Variants in CD300LB observed in about 807,000 individuals in gnomAD.
The protein encoded by CD300LB is CD300 molecule like family member b, also known as CMRF35-like molecule 7.
CD300LB carries 18 observed loss-of-function variants against 20.8 expected under a neutral mutation model. The observed-to-expected ratio is 0.87, with a 90% CI of 0.60 to 1.28. CD300LB has a LOEUF of 1.28. Among genes scored for constraint, CD300LB ranks in the 50% most tolerant of loss-of-function variants. CD300LB has a pLI of 0.00. For missense variants in CD300LB, 222 were observed against 251.8 expected (o/e 0.88, Z 0.80); for synonymous variants, 91 against 91.3 (o/e 1.00, Z 0.02).
In CD300LB at chr17:74,522,274, A is replaced by G. The variant is rs935897279; in HGVS notation, c.*464T>C. 4 of 987,750 alleles carry G rather than the reference A, an allele frequency of 4.0e-6. No individual in the cohort carries two copies. Among genetic ancestry groups the G allele is most frequent in the Non-Finnish European group, 3.6e-6 (3 of 831,286 alleles). The allele number at this position is 987,750 out of a possible 1,614,324, so 61.2% of individuals were successfully genotyped here. On this transcript the variant is annotated 3_prime_UTR_variant, in exon 4 of 4. Transcript: ENST00000392621. ...GGGATCAGAGAGGTTTCCTATGAAC[A>G]TAAGTCATTAAAACCCAACTTTGCT...
chr17:74,523,005 G>A lies in CD300LB; in HGVS notation c.444-105C>T, dbSNP rs558369550. 1.7e-4 allele frequency: 189 copies of A among 1,104,114 alleles called. 2 individuals are homozygous for A. The East Asian group carries it at 2.7e-3, about 16-fold the overall frequency. 68.4% of individuals were successfully genotyped at this position (1,104,114 alleles called of 1,614,324 possible). A position where few individuals can be genotyped will look rare whatever the true frequency, so the allele number is the denominator to read the frequency against. ...CAGCCAAAGCCTGTGACCCTGGGCCGGGCAGCCCCACTCTGAAGATTCCTG... is the reference window on the plus strand; with the variant it reads ...CAGCCAAAGCCTGTGACCCTGGGCCAGGCAGCCCCACTCTGAAGATTCCTG... On this transcript the variant is annotated intron_variant, in intron 3 of 3. Coordinates refer to ENST00000392621, the MANE Select transcript of CD300LB (RefSeq NM_174892.4).
At chr17:74,527,954 T>A (rs1908085256) in intron 1 of CD300LB, among the ~76,000 whole-genome samples, 1 of 152,074 alleles carries the variant, frequency 6.6e-6, no homozygotes, top group Admixed American at 6.6e-5. Flanking sequence ...CCGCCTCCCA[T>A]CAGACCAGCG....
At chr17:74,523,454 G>C (rs1907942638) in intron 3 of CD300LB, 125 bp downstream of exon 3, 1 of 727,680 alleles carries the variant, frequency 1.4e-6, no homozygotes, top group African/African-American at 1.7e-5. Context: ...ATGGAGGGTG[G>C]GCTTGGGGCC....
Position 74,522,484 on chromosome 17 carries a change from G to A in CD300LB, c.*254C>T. On this transcript the variant is annotated 3_prime_UTR_variant, in exon 4 of 4. Coordinates refer to ENST00000392621, the MANE Select transcript of CD300LB (RefSeq NM_174892.4). ...GGGGACAGAGTCGTCCAGTGCTTGA[G>A]CTCCATCTCTACAGCTCCTGACCAA... is the stretch of plus-strand genomic sequence containing the variant. The A allele has an allele frequency of 8.0e-7, 1 of 1,242,312 alleles. No homozygotes were observed. The highest frequency in any genetic ancestry group is 1.0e-6 in the Non-Finnish European group (1 of 983,582). The allele number at this position is 1,242,312 out of a possible 1,614,324, so 77.0% of individuals were successfully genotyped here.
chr17:74,522,351 G>C lies in CD300LB; in HGVS notation c.*387C>G, dbSNP rs16978085. 1.0e-6 allele frequency: 1 copy of C among 1,002,198 alleles called. No individual in the cohort carries two copies. Among genetic ancestry groups the C allele is most frequent in the Non-Finnish European group, 1.2e-6 (1 of 841,052 alleles). The allele number at this position is 1,002,198 out of a possible 1,614,324, so 62.1% of individuals were successfully genotyped here. ...ATATATCAGGTTCTCAGGCAAAGAC[G>C]GTGTTGAGTTGGTCTCCGGAATGAT... On this transcript the variant is annotated 3_prime_UTR_variant, in exon 4 of 4. Coordinates refer to ENST00000392621, the MANE Select transcript of CD300LB (RefSeq NM_174892.4).
intron 1 of CD300LB, 26 bp downstream of exon 1, chr17:74,531,282 CAAG>C: frequency 6.6e-7 from 1 of 1,521,414 alleles, no homozygotes. Flanking sequence ...CCTGTCATAC[CAAG>C]CGCCCAAGGC....
At chr17:74,524,152 G>A (rs758766894) in intron 2 of CD300LB, among the ~76,000 whole-genome samples, 14 of 152,326 alleles carry the variant, frequency 9.2e-5, no homozygotes, top group Admixed American at 2.0e-4. Flanking sequence ...TATGAGAAAC[G>A]GAACATTTTT....
In CD300LB at chr17:74,525,740, G is replaced by T. The variant is rs375893710; in HGVS notation, c.370+8C>A. On this transcript the variant is annotated splice_region_variant and intron_variant, in intron 2 of 3. Coordinates refer to ENST00000392621, the MANE Select transcript of CD300LB (RefSeq NM_174892.4). ...AGGGCCTCCTTGTGTAGATGAGAAA[G>T]TTCTTACCTGGGTCAACGATCACTT... 3 of 1,611,124 alleles carry T rather than the reference G, an allele frequency of 1.9e-6. No individual in the cohort carries two copies. Among genetic ancestry groups the T allele is most frequent in the Non-Finnish European group, 2.5e-6 (3 of 1,178,246 alleles).
rs999694595 is a variant in CD300LB, at chr17:74,522,873, C to T, written c.471G>A (p.Val157=). 2 of 1,613,970 alleles carry T rather than the reference C, an allele frequency of 1.2e-6. No individual in the cohort carries two copies. Among genetic ancestry groups the T allele is most frequent in the Non-Finnish European group, 1.7e-6 (2 of 1,180,016 alleles). ...CCAAGATGAGCAAGATGGGCACCTTCACAAATACCAGGAGCATGTAGTGGT... is the reference window on the plus strand; with the variant it reads ...CCAAGATGAGCAAGATGGGCACCTTTACAAATACCAGGAGCATGTAGTGGT... The part of the protein sequence containing the change: ...KRNHYMLLVF[V]KVPILLILVT... Residue 157 remains valine, a synonymous_variant, in exon 4 of 4, where the codon GTG becomes GTA. Transcript: ENST00000392621.
intron 1 of CD300LB, among the ~76,000 whole-genome samples, chr17:74,527,140 T>C (rs2143079461): frequency 6.6e-6 from 1 of 152,318 alleles, no homozygotes. Flanking sequence ...TTTTTTCTAG[T>C]GGAGCAATTG....
chr17:74,526,578 T>C (rs921111102), intron 1 of CD300LB, among the ~76,000 whole-genome samples: 13 of 152,174 alleles, frequency 8.5e-5, no homozygotes, highest in Non-Finnish European at 1.8e-4. Context: ...CTGGGCGTGG[T>C]GGCAGTCACC....
At chr17:74,526,875 G>GC (rs1301582892) in intron 1 of CD300LB, among the ~76,000 whole-genome samples, 2 of 152,204 alleles carry the variant, frequency 1.3e-5, no homozygotes, top group African/African-American at 4.8e-5. Flanking sequence ...CCAGCACACT[G>GC]CGGGGGTACC....
chr17:74,525,661 T>G lies in CD300LB; in HGVS notation c.370+87A>C, dbSNP rs560545632. On this transcript the variant is annotated intron_variant, in intron 2 of 3. Transcript: ENST00000392621. The stretch of plus-strand genomic sequence containing the variant: ...TCTCTTAGGCTCACCATCATTCCCT[T>G]TCAGCCTTGGAGGGGAGCAGGTAAG... 112 of 1,120,124 alleles carry G rather than the reference T, an allele frequency of 1.0e-4. 1 individual carries two copies. The Middle Eastern group carries it at 1.0e-3, about 10-fold the overall frequency. 69.4% of individuals were successfully genotyped at this position (1,120,124 alleles called of 1,614,324 possible).
intron 3 of CD300LB, 92 bp from the exon 4 acceptor site, chr17:74,522,992 G>A (rs750416937): frequency 1.6e-6 from 2 of 1,286,092 alleles, no homozygotes; most frequent in Non-Finnish European, 2.2e-6. Flanking sequence ...GCCAAAGCCT[G>A]TGACCCTGGG....
intron 3 of CD300LB, 34 bp from the exon 4 acceptor site, chr17:74,522,934 G>T: frequency 6.3e-7 from 1 of 1,597,498 alleles, no homozygotes; most frequent in Non-Finnish European, 8.5e-7. Flanking sequence ...AGAGCCCTGG[G>T]CATCCCCAGG....
At chr17:74,529,521 G>T (rs1908136628) in intron 1 of CD300LB, among the ~76,000 whole-genome samples, 1 of 152,180 alleles carries the variant, frequency 6.6e-6, no homozygotes, top group African/African-American at 2.4e-5. Flanking sequence ...GCCGGGCACG[G>T]TGGCTCATGC....
rs1395960779 is a variant in CD300LB at position 74,522,765 on chromosome 17, T to C, written c.579A>G (p.Glu193=). 5 of 1,613,888 alleles carry C rather than the reference T, an allele frequency of 3.1e-6. No homozygotes were observed. Among genetic ancestry groups the C allele is most frequent in the Non-Finnish European group, 4.2e-6 (5 of 1,179,990 alleles). Residue 193 remains glutamate, a synonymous_variant, in exon 4 of 4, where the codon GAA becomes GAG. Coordinates refer to ENST00000392621, the MANE Select transcript of CD300LB (RefSeq NM_174892.4). ...GEQPIYMNFS[E]PLTKDMAT ...AAGTGGCCATGTCTTTAGTCAGAGG[T>C]TCGGAGAAGTTCATGTAGATAGGCT... is the stretch of plus-strand genomic sequence containing the variant.
Position 74,521,724 on chromosome 17 carries a change from G to A in CD300LB, c.*1014C>T. ...ACATGTGTGGTGTGTTTGCTTGTGG[G>A]CAGGTGGGGGCGGGAGCACATCTCA... On this transcript the variant is annotated 3_prime_UTR_variant, in exon 4 of 4. Coordinates refer to ENST00000392621, the MANE Select transcript of CD300LB (RefSeq NM_174892.4). The A allele has an allele frequency of 2.0e-6, 2 of 985,698 alleles. No individual in the cohort carries two copies. Among genetic ancestry groups the A allele is most frequent in the Non-Finnish European group, 2.4e-6 (2 of 830,148 alleles). 61.1% of individuals were successfully genotyped at this position (985,698 alleles called of 1,614,324 possible). A position where few individuals can be genotyped will look rare whatever the true frequency, so the allele number is the denominator to read the frequency against.
intron 1 of CD300LB, among the ~76,000 whole-genome samples, chr17:74,527,972 T>C (rs1380584716): frequency 6.6e-6 from 1 of 152,026 alleles, no homozygotes; most frequent in African/African-American, 2.4e-5. Flanking sequence ...GCGGCCGCAT[T>C]AGATTCTCAT....
Sources: gnomAD v4.1 joint callset for allele counts (sites outside exome capture counted in the v4.1 genomes callset) on GRCh38, gnomAD v4.1.1 for gene constraint, MANE v1.5 for transcripts, NCBI Gene and HGNC (gene_info 2026-07-23, HGNC 2026-07-21) for gene names.